The following WNK1 variants were observed in gnomAD, a reference collection of about 807,000 sequenced individuals.
WNK1 encodes serine/threonine-protein kinase WNK1.
WNK1 carries 38 observed loss-of-function variants against 222.8 expected under a neutral mutation model. The observed-to-expected ratio is 0.17, with a 90% confidence interval of 0.13 to 0.22. The LOEUF is 0.22. WNK1 is among the 10% of genes least tolerant of loss of function. The pLI, the probability that WNK1 is intolerant of heterozygous loss-of-function variation, is 1.00. For missense variants in WNK1, 2,348 were observed against 2,918.4 expected (o/e 0.80, Z 4.50); for synonymous variants, 1,090 against 1,092.9 (o/e 1.00, Z 0.05).
chr12:759,551 G>C (rs1940716514), intron 1 of WNK1, among the ~76,000 whole-genome samples: 1 of 147,616 alleles, frequency 6.8e-6, no homozygotes, highest in South Asian at 2.2e-4. Context: ...GGCTGGTCTT[G>C]AACACCTGAC....
chr12:890,316 A>G, intron 21 of WNK1, 137 bp from the exon 22 acceptor site: 1 of 897,546 alleles, frequency 1.1e-6, no homozygotes, highest in Non-Finnish European at 1.8e-6. Flanking sequence ...AGAAGATAAA[A>G]TGTTCTCAGA....
intron 1 of WNK1, among the ~76,000 whole-genome samples, chr12:803,012 C>G (rs895004164): frequency 6.6e-6 from 1 of 152,084 alleles, no homozygotes; most frequent in Admixed American, 6.5e-5. Context: ...TCTTATGACT[C>G]AGGGACATCA....
intron 9 of WNK1, among the ~76,000 whole-genome samples, chr12:873,115 G>C (rs958003278): frequency 6.6e-6 from 1 of 152,202 alleles, no homozygotes; most frequent in Non-Finnish European, 1.5e-5. Context: ...TGGAAGTACT[G>C]AGTACTAATC....
intron 1 of WNK1, among the ~76,000 whole-genome samples, chr12:799,349 A>G (rs1481484634): frequency 1.4e-5 from 2 of 147,454 alleles, no homozygotes; most frequent in Non-Finnish European, 1.5e-5. Flanking sequence ...CAGGCTGCCC[A>G]TGAACTCCTG....
intron 2 of WNK1, among the ~76,000 whole-genome samples, chr12:820,466 GTTTT>G (rs3072715): frequency 1.1e-4 from 10 of 89,160 alleles, no homozygotes; most frequent in Admixed American, 2.7e-4. Context: ...ATTCTTTGGG[GTTTT>G]TTTTTTTTTT....
chr12:889,264 A>C, intron 21 of WNK1, 41 bp downstream of exon 21: 1 of 1,503,882 alleles, frequency 6.6e-7, no homozygotes, highest in East Asian at 2.3e-5. Flanking sequence ...TCATAACCCT[A>C]ATATATTATA....
intron 4 of WNK1, among the ~76,000 whole-genome samples, chr12:841,904 C>T (rs1158096154): frequency 1.3e-5 from 2 of 152,182 alleles, no homozygotes; most frequent in Admixed American, 6.5e-5. Flanking sequence ...AGACCTTCAC[C>T]TCTTAATACT....
At chr12:897,988 C>A (rs1489374941) in intron 25 of WNK1, among the ~76,000 whole-genome samples, 1 of 152,182 alleles carries the variant, frequency 6.6e-6, no homozygotes, top group African/African-American at 2.4e-5. Context: ...GTATAACTCA[C>A]ATTTAACCAA....
chr12:793,238 T>G (rs1041269067), intron 1 of WNK1, among the ~76,000 whole-genome samples: 7 of 152,344 alleles, frequency 4.6e-5, no homozygotes, highest in Admixed American at 1.3e-4. Context: ...TCAGATGTTT[T>G]CTCTGTAGTT....
intron 1 of WNK1, among the ~76,000 whole-genome samples, chr12:773,215 G>A (rs531298973): frequency 9.2e-5 from 14 of 151,896 alleles, no homozygotes; most frequent in Middle Eastern, 3.4e-3. Flanking sequence ...CTGAGATTGC[G>A]CCATTGCATT....
At position 880,708 on chromosome 12, in the gene WNK1, A is replaced by G; in HGVS notation, c.2833-13A>G. The stretch of plus-strand genomic sequence containing the variant: ...CAACCTGCTCTAACTCACCTTCCTC[A>G]TTTCTGTCACAGGGCTTCCCACCTC... On this transcript the variant is annotated splice_polypyrimidine_tract_variant and intron_variant, in intron 11 of 27. Coordinates refer to ENST00000315939, the MANE Select transcript of WNK1 (RefSeq NM_018979.4). The G allele has an allele frequency of 1.2e-6, 2 of 1,608,438 alleles. No homozygotes were observed. Among genetic ancestry groups the G allele is most frequent in the Non-Finnish European group, 1.7e-6 (2 of 1,179,156 alleles).
chr12:861,861 C>A (rs772021340), intron 7 of WNK1, among the ~76,000 whole-genome samples: 2 of 152,194 alleles, frequency 1.3e-5, no homozygotes, highest in African/African-American at 4.8e-5. Flanking sequence ...GTTTCCCTTA[C>A]TCCTCAGGTG....
chr12:803,959 A>G (rs1015571334), intron 1 of WNK1, among the ~76,000 whole-genome samples: 3 of 152,164 alleles, frequency 2.0e-5, no homozygotes, highest in Non-Finnish European at 4.4e-5. Flanking sequence ...AGACAACTCT[A>G]TTTTCTAGTT....
chr12:840,073 A>C (rs963040172), intron 4 of WNK1, among the ~76,000 whole-genome samples: 1 of 151,848 alleles, frequency 6.6e-6, no homozygotes, highest in Admixed American at 6.6e-5. Context: ...CTTCTTGGCC[A>C]AATTCAGCCT....
rs1451717440 is a variant in WNK1, at chr12:879,953, A to G, written c.2754A>G (p.Ala918=). The G allele has an allele frequency of 6.2e-7, 1 of 1,614,182 alleles. No homozygotes were observed. The highest frequency in any genetic ancestry group is 1.7e-5 in the Admixed American group (1 of 60,018). Residue 918 remains alanine (A), a synonymous_variant, in exon 11 of 28, where the codon GCA becomes GCG. Coordinates refer to ENST00000315939, the MANE Select transcript of WNK1 (RefSeq NM_018979.4). ...SQVHPQLLQP[A]VQSMGIPANL... Reference sequence around the variant, plus strand: ...TTCACCCACAGCTCCTACAACCAGCAGTTCAGTCCATGGGAATACCAGCTA... The same window carrying G: ...TTCACCCACAGCTCCTACAACCAGCGGTTCAGTCCATGGGAATACCAGCTA...
At chr12:883,203 A>G (rs1008202533) in intron 15 of WNK1, 144 bp downstream of exon 15, 1 of 955,812 alleles carries the variant, frequency 1.0e-6, no homozygotes, top group African/African-American at 1.6e-5. Context: ...ATCACACCCA[A>G]CCTGTGATTT....
chr12:907,320 CAA>C (rs58787108), intron 26 of WNK1, among the ~76,000 whole-genome samples: 10 of 121,304 alleles, frequency 8.2e-5, no homozygotes, highest in Non-Finnish European at 7.1e-5. Flanking sequence ...GACTCCATCT[CAA>C]AAAAAAAAAA....
chr12:770,096 C>T (rs567098789), intron 1 of WNK1, among the ~76,000 whole-genome samples: 122 of 152,102 alleles, frequency 8.0e-4, no homozygotes, highest in African/African-American at 2.7e-3. Flanking sequence ...GCCTCAGCCT[C>T]CCTGAGTAGC....
chr12:788,551 C>T (rs1944536556), intron 1 of WNK1, among the ~76,000 whole-genome samples: 1 of 152,112 alleles, frequency 6.6e-6, no homozygotes, highest in African/African-American at 2.4e-5. Context: ...GATACCCAGA[C>T]AGTATATCTG....
Sources: allele counts gnomAD v4.1 joint callset (sites outside exome capture counted in the v4.1 genomes callset), GRCh38; gene constraint gnomAD v4.1.1; transcripts MANE v1.5; gene names NCBI Gene and HGNC (gene_info 2026-07-23, HGNC 2026-07-21).